NPNT: variants seen among roughly 807,000 people sequenced by gnomAD.
The protein encoded by NPNT is preosteoblast EGF-like repeat protein with MAM domain.
Under a neutral mutation model 68.6 loss-of-function variants are expected in NPNT, and 45 were observed. That is an observed-to-expected ratio of 0.66 (90% CI 0.52 to 0.84). The LOEUF (loss-of-function observed/expected upper bound fraction) is 0.84, where lower values mean the gene tolerates loss of function less well. NPNT is among the 40% of genes least tolerant of loss of function. NPNT has a pLI of 0.00. For synonymous variants in NPNT, 233 were observed against 253.3 expected, an observed-to-expected ratio of 0.92 and a Z score of 0.76; for missense variants, 672 against 714.8, an observed-to-expected ratio of 0.94 and a Z score of 0.68.
intron 7 of NPNT, among the ~76,000 whole-genome samples, chr4:105,941,602 C>T: frequency 6.6e-6 from 1 of 152,258 alleles, no homozygotes; most frequent in East Asian, 1.9e-4. Flanking sequence ...GTCATGTAGT[C>T]ATTCCCAGTC....
intron 5 of NPNT, 113 bp downstream of exon 5, chr4:105,938,533 C>A: frequency 9.5e-7 from 1 of 1,051,828 alleles, no homozygotes; most frequent in Non-Finnish European, 1.4e-6. Flanking sequence ...AGATAATTAG[C>A]TATCGTTCAG....
chr4:105,967,455 C>A lies in NPNT; in HGVS notation c.1602+11C>A. 2 of 1,543,650 alleles carry A rather than the reference C, an allele frequency of 1.3e-6. No homozygotes were observed. The highest frequency in any genetic ancestry group is 1.3e-5 in the South Asian group (1 of 78,450). On this transcript the variant is annotated intron_variant, in intron 11 of 11. Coordinates refer to ENST00000379987, the MANE Select transcript of NPNT (RefSeq NM_001033047.3). ...GCTGACATCAAGAGCGTAAGTAGAT[C>A]CACAAAGGAGGCAGGACCTGGGACG...
intron 10 of NPNT, among the ~76,000 whole-genome samples, chr4:105,966,461 T>A (rs1026293919): frequency 6.6e-6 from 1 of 152,202 alleles, no homozygotes; most frequent in Non-Finnish European, 1.5e-5. Flanking sequence ...CATGTATATA[T>A]AATAGGACAT....
intron 2 of NPNT, among the ~76,000 whole-genome samples, chr4:105,915,455 C>T (rs1459694435): frequency 6.6e-6 from 1 of 152,078 alleles, no homozygotes; most frequent in Non-Finnish European, 1.5e-5. Flanking sequence ...CCTAAACAGT[C>T]TGAGCTACAG....
intron 5 of NPNT, among the ~76,000 whole-genome samples, chr4:105,938,918 G>T (rs760003053): frequency 1.7e-4 from 26 of 152,136 alleles, no homozygotes; most frequent in Middle Eastern, 6.4e-3. Context: ...TTGAGCTTGG[G>T]TCTTCTTATC....
rs1187911126 is a variant in NPNT, at chr4:105,963,535, A to T, written c.1346-3653A>T. Among the ~76,000 whole-genome samples, 4 of 152,088 alleles carry T rather than the reference A, an allele frequency of 2.6e-5. No individual in the cohort carries two copies. In the East Asian group the frequency reaches 5.8e-4, roughly 22 times the overall value. ...AGTCACAGTGAGATGTGAAATTAAC[A>T]ATGCCTCTAAGAAATGGAAAATTGT... On this transcript the variant is annotated intron_variant, in intron 10 of 11. Transcript: ENST00000379987.
intron 2 of NPNT, among the ~76,000 whole-genome samples, chr4:105,898,328 G>GTCTCTCTCCCTCTC (rs1726083650): frequency 1.9e-5 from 1 of 53,936 alleles, no homozygotes; most frequent in Non-Finnish European, 3.5e-5. Context: ...CTCTCTCTCT[G>GTCTCTCTCCCTCTC]TCTCTCTCTC....
At chr4:105,935,057 GT>G (rs1729399423) in intron 3 of NPNT, among the ~76,000 whole-genome samples, 1 of 152,118 alleles carries the variant, frequency 6.6e-6, no homozygotes, top group Non-Finnish European at 1.5e-5. Context: ...AATACTCCTT[GT>G]TTATGAGCTG....
chr4:105,920,892 CA>C (rs1267049080), intron 2 of NPNT, among the ~76,000 whole-genome samples: 2 of 152,004 alleles, frequency 1.3e-5, no homozygotes, highest in East Asian at 3.9e-4. Context: ...TTCTTAATTG[CA>C]ATAATGTTAA....
At chr4:105,923,199 C>T (rs1221428509) in intron 2 of NPNT, among the ~76,000 whole-genome samples, 1 of 152,128 alleles carries the variant, frequency 6.6e-6, no homozygotes, top group Non-Finnish European at 1.5e-5. Context: ...GCTCACATTA[C>T]AGTGGAGTGT....
chr4:105,930,790 G>C (rs1729050610), intron 3 of NPNT, among the ~76,000 whole-genome samples: 1 of 152,168 alleles, frequency 6.6e-6, no homozygotes, highest in South Asian at 2.1e-4. Flanking sequence ...GAATAAACAA[G>C]TGCTTAACCA....
At chr4:105,932,702 G>C (rs1447063262) in intron 3 of NPNT, 1 of 1,534,406 alleles carries the variant, frequency 6.5e-7, no homozygotes, top group South Asian at 1.2e-5. Context: ...TGCCTTCAAG[G>C]GGTGAGCGTG....
At chr4:105,932,230 T>G (rs1331996980) in intron 3 of NPNT, among the ~76,000 whole-genome samples, 9 of 151,642 alleles carry the variant, frequency 5.9e-5, no homozygotes, top group Admixed American at 5.9e-4. Context: ...AACTTCAGTG[T>G]CCTTAAATAG....
chr4:105,917,919 C>T (rs1189758440), intron 2 of NPNT, among the ~76,000 whole-genome samples: 1 of 152,102 alleles, frequency 6.6e-6, no homozygotes, highest in Non-Finnish European at 1.5e-5. Context: ...TAATGATCTA[C>T]ATGAACATGA....
chr4:105,920,698 G>T (rs545805780), intron 2 of NPNT, among the ~76,000 whole-genome samples: 8 of 151,900 alleles, frequency 5.3e-5, no homozygotes, highest in African/African-American at 1.9e-4. Context: ...AATAGCGAGA[G>T]ATCAAATAGA....
At chr4:105,957,659 T>C (rs1731345407) in intron 8 of NPNT, among the ~76,000 whole-genome samples, 1 of 152,054 alleles carries the variant, frequency 6.6e-6, no homozygotes, top group African/African-American at 2.4e-5. Context: ...TGTGTGTAAA[T>C]AGCTGCAATT....
At chr4:105,953,306 C>T (rs755511720) in intron 8 of NPNT, among the ~76,000 whole-genome samples, 23 of 152,190 alleles carry the variant, frequency 1.5e-4, no homozygotes, top group Non-Finnish European at 2.6e-4. Context: ...GTCTATGCTC[C>T]ACCTTTCACC....
rs745676312 is a variant in NPNT at position 105,958,548 on chromosome 4, G to C, written c.1237G>C (p.Asp413His). The C allele has an allele frequency of 6.3e-7, 1 of 1,583,610 alleles. No individual in the cohort carries two copies. The highest frequency in any genetic ancestry group is 1.1e-5 in the South Asian group (1 of 89,910). ...AGTCAGTGCAGACGATGAAGCAAAG[G>C]ATGATCCAGGTGACACTTACACTCT... ...RGVSADDEAK[D>H]DPGVLVHSCN... is the part of the protein sequence containing the mutation. The change falls in exon 9 of 12, where the codon GAT (aspartate) becomes CAT (histidine). Residue 413 changes from aspartate to histidine, a missense_variant. Transcript: ENST00000379987.
intron 10 of NPNT, 61 bp downstream of exon 10, chr4:105,959,187 T>G: frequency 9.9e-7 from 1 of 1,009,052 alleles, no homozygotes; most frequent in Non-Finnish European, 1.6e-6. Context: ...ATCTGAAGAC[T>G]CCACTGCTGC....
Sources: allele counts gnomAD v4.1 joint callset (sites outside exome capture counted in the v4.1 genomes callset), GRCh38; gene constraint gnomAD v4.1.1; transcripts MANE v1.5; gene names NCBI Gene and HGNC (gene_info 2026-07-23, HGNC 2026-07-21).